The following LGSN variants were observed in gnomAD, a reference collection of about 807,000 sequenced individuals.
LGSN encodes lengsin, lens protein with glutamine synthetase domain.
A neutral mutation model predicts 19.5 loss-of-function variants in LGSN; 21 were observed. That is an observed-to-expected ratio of 1.07 (90% CI 0.76 to 1.55). The LOEUF (loss-of-function observed/expected upper bound fraction) is 1.55, where lower values mean the gene tolerates loss of function less well. LGSN is among the 40% of genes most tolerant of loss of function. LGSN has a pLI of 0.00. For missense variants in LGSN, 673 were observed against 608.5 expected, an observed-to-expected ratio of 1.11 and a Z score of -1.12; for synonymous variants, 257 against 215.6, an observed-to-expected ratio of 1.19 and a Z score of -1.68.
In LGSN at chr6:63,280,573, G is replaced by A. The variant is rs73432866; in HGVS notation, c.978C>T (p.Asn326=). The A allele has an allele frequency of 1.2e-5, 19 of 1,614,098 alleles. No homozygotes were observed. The African/African-American group carries it at 2.5e-4, about 22-fold the overall frequency. Residue 326 remains asparagine, a synonymous_variant, in exon 4 of 4, where the codon AAC becomes AAT. Coordinates refer to ENST00000370657, the MANE Select transcript of LGSN (RefSeq NM_016571.3). ...CAGTTCCAGAAGTGCTGCAGAACAT[G>A]TTTTTCTTCCTATCGACATCCCAGA... ...HSLWDVDRKK[N]MFCSTSGTEQ... is the part of the protein sequence containing the mutation.
At chr6:63,445,979 T>C in the LGSN span, among the ~76,000 whole-genome samples, 3 of 152,132 alleles carry the variant, frequency 2.0e-5, no homozygotes, top group Admixed American at 2.0e-4. Flanking sequence ...CCGGGTGTCG[T>C]GGCTCACGCC....
chr6:63,481,090 A>G, the LGSN span, among the ~76,000 whole-genome samples: 1 of 151,698 alleles, frequency 6.6e-6, no homozygotes, highest in South Asian at 2.1e-4. Context: ...GCTGGTGGCC[A>G]TTATTCTAAG....
chr6:63,549,741 T>C, the LGSN span, among the ~76,000 whole-genome samples: 1 of 151,864 alleles, frequency 6.6e-6, no homozygotes, highest in African/African-American at 2.4e-5. Flanking sequence ...CACTCATATG[T>C]GGAAGCTAAA....
At chr6:63,457,320 C>G in the LGSN span, among the ~76,000 whole-genome samples, 1 of 151,968 alleles carries the variant, frequency 6.6e-6, no homozygotes, top group African/African-American at 2.4e-5. Context: ...GCCTGGCCAA[C>G]ATGGTGAAAC....
the LGSN span, among the ~76,000 whole-genome samples, chr6:63,387,827 C>T: frequency 6.6e-6 from 1 of 151,978 alleles, no homozygotes; most frequent in Non-Finnish European, 1.5e-5. Context: ...GCTAGATCTA[C>T]AGGCATACCA....
At chr6:63,525,217 T>C in the LGSN span, among the ~76,000 whole-genome samples, 1 of 151,956 alleles carries the variant, frequency 6.6e-6, no homozygotes, top group South Asian at 2.1e-4. Context: ...TGGTGAATTG[T>C]GTGTCTGCAG....
At chr6:63,525,727 C>T in the LGSN span, among the ~76,000 whole-genome samples, 1 of 152,202 alleles carries the variant, frequency 6.6e-6, no homozygotes, top group Non-Finnish European at 1.5e-5. Flanking sequence ...GTGGTAGCAG[C>T]TGCTTTCTGC....
the LGSN span, among the ~76,000 whole-genome samples, chr6:63,339,977 T>C: frequency 6.6e-6 from 1 of 152,184 alleles, no homozygotes; most frequent in Admixed American, 6.5e-5. Context: ...GTTTTTGCTT[T>C]TCTTATAAAG....
chr6:63,371,755 C>T, the LGSN span, among the ~76,000 whole-genome samples: 10 of 152,138 alleles, frequency 6.6e-5, no homozygotes, highest in African/African-American at 2.4e-4. Flanking sequence ...ATACTAATGA[C>T]TTTTGGTCCT....
the LGSN span, among the ~76,000 whole-genome samples, chr6:63,424,246 T>C: frequency 6.6e-6 from 1 of 151,870 alleles, no homozygotes; most frequent in Non-Finnish European, 1.5e-5. Flanking sequence ...AAAAATAAAA[T>C]AAAATAAATA....
the LGSN span, among the ~76,000 whole-genome samples, chr6:63,478,307 C>T: frequency 3.9e-5 from 6 of 152,112 alleles, no homozygotes; most frequent in Non-Finnish European, 5.9e-5. Context: ...GGGTAATAGA[C>T]AAATCCACAG....
At chr6:63,322,617 T>C (rs1026925321), upstream of LGSN, among the ~76,000 whole-genome samples, 6 of 152,156 alleles carry the variant, frequency 3.9e-5, no homozygotes, top group African/African-American at 1.4e-4. Context: ...ACAAAAATTA[T>C]AAGGAGTAAT....
At chr6:63,539,767 C>CAAAA in the LGSN span, among the ~76,000 whole-genome samples, 1 of 129,144 alleles carries the variant, frequency 7.7e-6, no homozygotes. Context: ...GACTCTGTCT[C>CAAAA]AAAAAAAAAA....
chr6:63,337,780 G>A, the LGSN span, among the ~76,000 whole-genome samples: 6 of 151,736 alleles, frequency 4.0e-5, no homozygotes, highest in Admixed American at 1.3e-4. Flanking sequence ...CTCCAGCCTG[G>A]ATAACAGAGT....
At chr6:63,437,483 G>A in the LGSN span, among the ~76,000 whole-genome samples, 5 of 151,992 alleles carry the variant, frequency 3.3e-5, no homozygotes, top group Non-Finnish European at 5.9e-5. Flanking sequence ...CCACTGTGCC[G>A]GCCTTAATAA....
chr6:63,434,237 G>A, the LGSN span, among the ~76,000 whole-genome samples: 7 of 151,942 alleles, frequency 4.6e-5, no homozygotes, highest in African/African-American at 1.7e-4. Context: ...TCAGGAGTCC[G>A]AGCCCAGCCT....
chr6:63,390,125 T>C, the LGSN span, among the ~76,000 whole-genome samples: 14 of 126,956 alleles, frequency 1.1e-4, no homozygotes, highest in South Asian at 6.0e-4. Flanking sequence ...TTTCTTTTTT[T>C]TTTTTTTTTT....
chr6:63,465,538 G>T, the LGSN span, among the ~76,000 whole-genome samples: 3 of 152,072 alleles, frequency 2.0e-5, no homozygotes, highest in African/African-American at 7.2e-5. Flanking sequence ...CTTGAAGGTG[G>T]CCATGGTGAG....
At chr6:63,462,243 C>T in the LGSN span, among the ~76,000 whole-genome samples, 2 of 152,168 alleles carry the variant, frequency 1.3e-5, no homozygotes, top group African/African-American at 4.8e-5. Flanking sequence ...CTGTGAAATA[C>T]TTGAGAACAA....
Sources: allele counts gnomAD v4.1 joint callset (sites outside exome capture counted in the v4.1 genomes callset), GRCh38; gene constraint gnomAD v4.1.1; transcripts MANE v1.5; gene names NCBI Gene and HGNC (gene_info 2026-07-23, HGNC 2026-07-21).